EPGN: variants seen among roughly 807,000 people sequenced by gnomAD.
EPGN encodes epigen.
A neutral mutation model predicts 20.7 loss-of-function variants in EPGN; 21 were observed. That is an observed-to-expected ratio of 1.01 (90% CI 0.72 to 1.46). EPGN has a LOEUF of 1.46. Ranked by LOEUF, EPGN falls within the 40% of genes most tolerant of loss-of-function variation. The pLI, the probability that EPGN is intolerant of heterozygous loss-of-function variation, is 0.00. For missense variants in EPGN, 199 were observed against 180.7 expected (o/e 1.10, Z -0.58); for synonymous variants, 69 against 63.8 (o/e 1.08, Z -0.39).
At chr4:74,314,361 T>C (rs963721826) in intron 4 of EPGN, 67 of 592,778 alleles carry the variant, frequency 1.1e-4, no homozygotes, top group African/African-American at 1.1e-3. Flanking sequence ...CCCAGCAATC[T>C]CCTGGCAGGG....
At chr4:74,312,409 G>C (rs1440341082) in intron 3 of EPGN, 104 bp downstream of exon 3, 7 of 1,345,136 alleles carry the variant, frequency 5.2e-6, no homozygotes, top group Non-Finnish European at 6.9e-6. Flanking sequence ...AGTTTAAAAG[G>C]GTGCATAATC....
chr4:74,309,286 A>T, intron 2 of EPGN, 104 bp downstream of exon 2: 1 of 755,006 alleles, frequency 1.3e-6, no homozygotes. Flanking sequence ...TATATATTTT[A>T]TTATTAGATA....
intron 4 of EPGN, chr4:74,314,336 A>G (rs1028527704): frequency 1.6e-5 from 9 of 579,150 alleles, no homozygotes; most frequent in African/African-American, 1.5e-4. Context: ...GGTAAGGAAC[A>G]GGGGCTTGTA....
At chr4:74,311,188 A>G (rs542529029) in intron 2 of EPGN, among the ~76,000 whole-genome samples, 4 of 152,216 alleles carry the variant, frequency 2.6e-5, no homozygotes, top group East Asian at 3.9e-4. Flanking sequence ...ACATTTTTCT[A>G]CCAAATCTAG....
At chr4:74,313,391 G>C in intron 4 of EPGN, 2 of 1,378,176 alleles carry the variant, frequency 1.5e-6, no homozygotes, top group Non-Finnish European at 1.9e-6. Flanking sequence ...GAGTTCAAAC[G>C]TACAGTCTCC....
intron 2 of EPGN, among the ~76,000 whole-genome samples, chr4:74,311,797 A>G (rs1343335894): frequency 1.3e-5 from 2 of 152,232 alleles, no homozygotes; most frequent in East Asian, 3.9e-4. Context: ...AAGGAAGAAA[A>G]TCGAAATATT....
Position 74,308,487 on chromosome 4 carries a change from C to T in EPGN, c.-47C>T, listed in dbSNP as rs780036476. 146 of 1,510,440 alleles carry T rather than the reference C, an allele frequency of 9.7e-5. No individual in the cohort carries two copies. Among genetic ancestry groups the T allele is most frequent in the Middle Eastern group, 1.8e-4 (1 of 5,702 alleles). 93.6% of individuals were successfully genotyped at this position (1,510,440 alleles called of 1,614,324 possible). ...GAGAGCTCAATAAAAACCTTCCACCCGTCAGTCTAGAAGGATAAGAGAAAG... is the reference window on the plus strand; with the variant it reads ...GAGAGCTCAATAAAAACCTTCCACCTGTCAGTCTAGAAGGATAAGAGAAAG... On this transcript the variant is annotated 5_prime_UTR_variant, in exon 1 of 5. Coordinates refer to ENST00000413830, the MANE Select transcript of EPGN (RefSeq NM_001270989.2).
At chr4:74,308,724 T>A (rs1289333387) in intron 1 of EPGN, 148 bp downstream of exon 1, 1 of 661,016 alleles carries the variant, frequency 1.5e-6, no homozygotes, top group Admixed American at 3.1e-5. Flanking sequence ...TAATTTAGTT[T>A]CTTATGTCCT....
At chr4:74,310,834 C>A (rs189447617) in intron 2 of EPGN, among the ~76,000 whole-genome samples, 1 of 152,062 alleles carries the variant, frequency 6.6e-6, no homozygotes, top group African/African-American at 2.4e-5. Context: ...ACATTGTAAA[C>A]GCTATGCAAA....
At chr4:74,312,371 T>C in intron 3 of EPGN, 66 bp downstream of exon 3, 2 of 1,530,690 alleles carry the variant, frequency 1.3e-6, no homozygotes, top group Non-Finnish European at 1.8e-6. Context: ...TTGTTTCATA[T>C]AGTACATTTC....
Position 74,308,525 on chromosome 4 carries a change from C to T in EPGN, c.-9C>T. On this transcript the variant is annotated 5_prime_UTR_variant, in exon 1 of 5. Coordinates refer to ENST00000413830, the MANE Select transcript of EPGN (RefSeq NM_001270989.2). Reference sequence around the variant, plus strand: ...GGATAAGAGAAAGAAAGTTAAGCAACTACAGGAAATGGCTTTGGGAGTTCC... The same window carrying T: ...GGATAAGAGAAAGAAAGTTAAGCAATTACAGGAAATGGCTTTGGGAGTTCC... 1 of 1,607,588 alleles carries T rather than the reference C, an allele frequency of 6.2e-7. No individual in the cohort carries two copies. The highest frequency in any genetic ancestry group is 8.5e-7 in the Non-Finnish European group (1 of 1,176,252).
chr4:74,310,461 CAAAAAAAAAA>C lies in EPGN; in HGVS notation c.133+1294_133+1303del, dbSNP rs10586282. Among the ~76,000 whole-genome samples the C allele has an allele frequency of 2.5e-4, 11 of 43,214 alleles. 2 individuals are homozygous for C. The highest frequency in any genetic ancestry group is 6.5e-4 in the African/African-American group (11 of 16,828). The allele number at this position is 43,214 out of a possible 152,430, so 28.4% of individuals were successfully genotyped here. A position where few individuals can be genotyped will look rare whatever the true frequency, so the allele number is the denominator to read the frequency against. ...GGGGTGACAGAGTGAGAGTCCGTCT[CAAAAAAAAAA>C]AAAAAAAAAAAAAAGAAGATAATAT... is the stretch of plus-strand genomic sequence containing the variant. On this transcript the variant is annotated intron_variant, in intron 2 of 4. Transcript: ENST00000413830.
chr4:74,309,012 CAG>C, intron 1 of EPGN, 79 bp from the exon 2 acceptor site: 2 of 1,034,788 alleles, frequency 1.9e-6, no homozygotes, highest in Admixed American at 2.2e-5. Flanking sequence ...TTGGAATAAA[CAG>C]AATAAGAATA....
At chr4:74,308,764 C>A (rs1180643701) in intron 1 of EPGN, among the ~76,000 whole-genome samples, 188 bp downstream of exon 1, 4 of 152,108 alleles carry the variant, frequency 2.6e-5, no homozygotes, top group African/African-American at 7.2e-5. Flanking sequence ...TATTTTGACA[C>A]CTTTTTTGAG....
intron 3 of EPGN, 131 bp downstream of exon 3, chr4:74,312,436 G>T (rs1751023611): frequency 7.1e-6 from 7 of 981,950 alleles, no homozygotes; most frequent in Non-Finnish European, 7.2e-6. Context: ...TGACTTGACA[G>T]GCCTCTACAT....
chr4:74,311,087 A>G (rs768270694), intron 2 of EPGN, among the ~76,000 whole-genome samples: 3 of 152,118 alleles, frequency 2.0e-5, no homozygotes, highest in Non-Finnish European at 2.9e-5. Context: ...AGTATCTTAG[A>G]AAAATTTTTA....
intron 1 of EPGN, 43 bp from the exon 2 acceptor site, chr4:74,309,050 A>T: frequency 7.1e-7 from 1 of 1,401,526 alleles, no homozygotes; most frequent in Non-Finnish European, 1.0e-6. Flanking sequence ...TTGTACATAG[A>T]AGGAGGCTCT....
rs934374174 is a variant in EPGN at position 74,315,589 on chromosome 4, T to C, written c.*952T>C. ...ATGTGGAAACTTTCTTTATCATTTT[T>C]GAACACTTGTTAACAGATTTGCACA... On this transcript the variant is annotated 3_prime_UTR_variant, in exon 5 of 5. Coordinates refer to ENST00000413830, the MANE Select transcript of EPGN (RefSeq NM_001270989.2). Among the ~76,000 whole-genome samples the C allele has an allele frequency of 8.5e-5, 13 of 152,296 alleles. No homozygotes were observed. In the East Asian group the frequency reaches 2.3e-3, roughly 27 times the overall value.
chr4:74,315,521 A>T lies in EPGN; in HGVS notation c.*884A>T, dbSNP rs1751228966. On this transcript the variant is annotated 3_prime_UTR_variant, in exon 5 of 5. Transcript: ENST00000413830. ...AAGTCTACAATTGGCCCTAAAATAG[A>T]AACTGAAAAACAGGACATAGAATTT... 6.6e-6 allele frequency among the ~76,000 whole-genome samples: 1 copy of T among 152,242 alleles called. No homozygotes were observed. The highest frequency in any genetic ancestry group is 1.5e-5 in the Non-Finnish European group (1 of 68,046).
Sources: allele counts gnomAD v4.1 joint callset (sites outside exome capture counted in the v4.1 genomes callset), GRCh38; gene constraint gnomAD v4.1.1; transcripts MANE v1.5; gene names NCBI Gene and HGNC (gene_info 2026-07-23, HGNC 2026-07-21).